Variants in B3GALT1 observed in about 807,000 individuals in gnomAD.
The protein encoded by B3GALT1 is beta-1,3-galactosyltransferase 1.
Under a neutral mutation model 23.2 loss-of-function variants are expected in B3GALT1, and 10 were observed. The ratio of observed to expected loss-of-function variants is 0.43; its 90% CI spans 0.27 to 0.73. B3GALT1 has a LOEUF of 0.73. Ranked by LOEUF, B3GALT1 falls within the 30% of genes least tolerant of loss-of-function variation. B3GALT1 has a pLI of 0.21. For missense variants in B3GALT1, 299 were observed against 405.4 expected (o/e 0.74, Z 2.25); for synonymous variants, 156 against 141.5 (o/e 1.10, Z -0.73).
intron 2 of B3GALT1, among the ~76,000 whole-genome samples, chr2:167,547,700 A>AAAAAAAAAAAAAAAAAAAAAAAG (rs1558900508): frequency 9.3e-5 from 14 of 151,224 alleles, no homozygotes; most frequent in African/African-American, 3.4e-4. Context: ...TCTCAAAAAA[A>AAAAAAAAAAAAAAAAAAAAAAAG]AAAAAAAAAA....
At chr2:167,784,009 G>A (rs1965906) in intron 3 of B3GALT1, among the ~76,000 whole-genome samples, 126,059 of 152,132 alleles carry the variant, frequency 0.83, 52,422 homozygotes, top group Admixed American at 0.89. Context: ...ACGCTATGAA[G>A]TAGATGGCTT....
intron 1 of B3GALT1, among the ~76,000 whole-genome samples, chr2:167,434,428 A>ACTCT: frequency 6.7e-6 from 1 of 149,868 alleles, no homozygotes; most frequent in East Asian, 2.0e-4. Context: ...ATCTCTGCCC[A>ACTCT]CTCTCCCACC....
At chr2:167,680,524 G>C (rs970501617) in intron 3 of B3GALT1, among the ~76,000 whole-genome samples, 2 of 90,548 alleles carry the variant, frequency 2.2e-5, no homozygotes, top group Admixed American at 1.0e-4. Flanking sequence ...TTTTTTTTTT[G>C]GTAGGAGGGA....
At chr2:167,567,247 A>G (rs897450933) in intron 2 of B3GALT1, among the ~76,000 whole-genome samples, 2 of 152,214 alleles carry the variant, frequency 1.3e-5, no homozygotes, top group Non-Finnish European at 2.9e-5. Flanking sequence ...AATAAGAAAT[A>G]GAATTAATCT....
At chr2:167,636,914 A>C (rs1181672454) in intron 2 of B3GALT1, among the ~76,000 whole-genome samples, 1 of 151,956 alleles carries the variant, frequency 6.6e-6, no homozygotes, top group Non-Finnish European at 1.5e-5. Context: ...CAGCAAACCA[A>C]CATGGCATGT....
At chr2:167,390,147 C>T (rs1202877110) in intron 1 of B3GALT1, among the ~76,000 whole-genome samples, 1 of 152,048 alleles carries the variant, frequency 6.6e-6, no homozygotes, top group Non-Finnish European at 1.5e-5. Context: ...CCAAGTCCTG[C>T]CCCAGCTGGG....
chr2:167,435,496 T>C (rs1574077304), intron 1 of B3GALT1, among the ~76,000 whole-genome samples: 1 of 131,472 alleles, frequency 7.6e-6, no homozygotes, highest in Non-Finnish European at 1.6e-5. Context: ...ATACTGGGAG[T>C]TAGGATGCGA....
intron 2 of B3GALT1, among the ~76,000 whole-genome samples, chr2:167,501,212 T>C (rs955203102): frequency 1.3e-5 from 2 of 152,100 alleles, no homozygotes; most frequent in Non-Finnish European, 2.9e-5. Flanking sequence ...TTAAAGTGGG[T>C]ATGTTGAACT....
At chr2:167,867,331 T>C (rs1690253996) in intron 4 of B3GALT1, among the ~76,000 whole-genome samples, 1 of 152,166 alleles carries the variant, frequency 6.6e-6, no homozygotes, top group Non-Finnish European at 1.5e-5. Flanking sequence ...TCAGCTTTGG[T>C]GCACCTTAGA....
intron 3 of B3GALT1, among the ~76,000 whole-genome samples, chr2:167,648,122 A>G (rs1379512868): frequency 6.6e-6 from 1 of 152,064 alleles, no homozygotes; most frequent in Non-Finnish European, 1.5e-5. Context: ...GCCTCATGAT[A>G]ATCTTACCTG....
chr2:167,701,785 C>A (rs576785115), intron 3 of B3GALT1, among the ~76,000 whole-genome samples: 1 of 152,166 alleles, frequency 6.6e-6, no homozygotes, highest in African/African-American at 2.4e-5. Flanking sequence ...TTTGGCATAA[C>A]GTTTCCTGGC....
At position 167,572,033 on chromosome 2, in the gene B3GALT1, G is replaced by C. The variant is rs74878002; in HGVS notation, c.-409-74876G>C. Among the ~76,000 whole-genome samples the C allele has an allele frequency of 5.9e-4, 89 of 151,892 alleles. 2 individuals carry two copies. In the East Asian group the frequency reaches 0.015, roughly 25 times the overall value. ...GAAAGAAAATGTCTCTTATATTGAT[G>C]CAATGTTAAATCAGTATGGCGTCTA... is the stretch of plus-strand genomic sequence containing the variant. On this transcript the variant is annotated intron_variant, in intron 2 of 4. Coordinates refer to ENST00000392690, the MANE Select transcript of B3GALT1 (RefSeq NM_020981.4).
At chr2:167,516,371 T>C (rs181073937) in intron 2 of B3GALT1, among the ~76,000 whole-genome samples, 1 of 152,092 alleles carries the variant, frequency 6.6e-6, no homozygotes, top group Non-Finnish European at 1.5e-5. Flanking sequence ...GTTTTTGCTT[T>C]TGTTTTTGTT....
chr2:167,405,408 CA>C (rs1698260407), intron 1 of B3GALT1, among the ~76,000 whole-genome samples: 1 of 151,996 alleles, frequency 6.6e-6, no homozygotes, highest in South Asian at 2.1e-4. Flanking sequence ...TTAACTATAA[CA>C]GTGCAATAAT....
intron 4 of B3GALT1, among the ~76,000 whole-genome samples, chr2:167,856,998 G>A (rs892525232): frequency 6.6e-6 from 1 of 152,146 alleles, no homozygotes; most frequent in Non-Finnish European, 1.5e-5. Flanking sequence ...TTTCTGATCC[G>A]TGAGGATTAA....
At chr2:167,297,152 TATA>T (rs1184834248) in intron 1 of B3GALT1, among the ~76,000 whole-genome samples, 2 of 152,044 alleles carry the variant, frequency 1.3e-5, no homozygotes, top group African/African-American at 4.8e-5. Context: ...AAAATCAAAT[TATA>T]ATATTTTCAG....
At position 167,330,316 on chromosome 2, in the gene B3GALT1, G is replaced by A. The variant is rs777872045; in HGVS notation, c.-511+36982G>A. Among the ~76,000 whole-genome samples, 22 of 152,028 alleles carry A rather than the reference G, an allele frequency of 1.4e-4. 1 individual carries two copies. Among genetic ancestry groups the A allele is most frequent in the Non-Finnish European group, 2.5e-4 (17 of 68,036 alleles). ...TAGTCTATTGTTGAAGCTTTCAAAT[G>A]TATCTTGTGGCCAGGCACAGTGACT... On this transcript the variant is annotated intron_variant, in intron 1 of 4. Transcript: ENST00000392690.
intron 4 of B3GALT1, among the ~76,000 whole-genome samples, chr2:167,868,212 AG>A (rs758634825): frequency 7.2e-5 from 11 of 152,334 alleles, no homozygotes; most frequent in East Asian, 5.8e-4. Flanking sequence ...TAGAGCTAAG[AG>A]TTGTGGAAGC....
intron 3 of B3GALT1, among the ~76,000 whole-genome samples, chr2:167,807,020 A>C (rs555878313): frequency 6.6e-6 from 1 of 152,116 alleles, no homozygotes; most frequent in Non-Finnish European, 1.5e-5. Flanking sequence ...CAGAGATTCA[A>C]CTTCTTCCTG....
Sources: allele counts gnomAD v4.1 joint callset (sites outside exome capture counted in the v4.1 genomes callset), GRCh38; gene constraint gnomAD v4.1.1; transcripts MANE v1.5; gene names NCBI Gene and HGNC (gene_info 2026-07-23, HGNC 2026-07-21).